Variants in NUFIP2 observed in about 807,000 individuals in gnomAD.
The protein encoded by NUFIP2 is FMR1-interacting protein NUFIP2.
Under a neutral mutation model 56.9 loss-of-function variants are expected in NUFIP2, and 6 were observed. The observed-to-expected ratio is 0.11, with a 90% confidence interval of 0.06 to 0.21. The LOEUF (loss-of-function observed/expected upper bound fraction) is 0.21. Ranked by LOEUF, NUFIP2 falls within the 10% of genes least tolerant of loss-of-function variation. The probability of loss-of-function intolerance (pLI) is 1.00; values close to 1 mark genes in which losing one functional copy is unlikely to be tolerated. For missense variants in NUFIP2, 828 were observed against 826.8 expected (o/e 1.00, Z -0.02); for synonymous variants, 321 against 298.2 (o/e 1.08, Z -0.79).
intron 2 of NUFIP2, among the ~76,000 whole-genome samples, chr17:29,272,048 G>A (rs1412057905): frequency 1.6e-5 from 2 of 122,596 alleles, no homozygotes; most frequent in African/African-American, 6.2e-5. Context: ...ACTCCAGCTT[G>A]GGCAACAGAG....
intron 2 of NUFIP2, among the ~76,000 whole-genome samples, chr17:29,281,452 A>C (rs1041477133): frequency 1.3e-5 from 2 of 152,036 alleles, no homozygotes; most frequent in Non-Finnish European, 2.9e-5. Flanking sequence ...TGACCACACC[A>C]CTGTACTCCA....
chr17:29,293,736 G>A (rs2069233103), intron 1 of NUFIP2, 47 bp downstream of exon 1: 1 of 1,227,264 alleles, frequency 8.1e-7, no homozygotes, highest in African/African-American at 1.5e-5. Flanking sequence ...CATCTCTCCT[G>A]TCCTCCACCC....
Position 29,258,285 on chromosome 17 carries a change from T to A in NUFIP2, c.*6254A>T, listed in dbSNP as rs2068981882. ...GTTCAATCACCTTCAAGTTTGGGTA[T>A]GTGCTTGAGAAATGACTTTTCTTCT... On this transcript the variant is annotated 3_prime_UTR_variant, in exon 4 of 4. Transcript: ENST00000225388. 6.6e-6 allele frequency: 1 copy of A among 152,236 alleles called. No homozygotes were observed. The highest frequency in any genetic ancestry group is 2.1e-4 in the South Asian group (1 of 4,834). The allele number at this position is 152,236 out of a possible 1,614,324, so 9.4% of individuals were successfully genotyped here.
rs1317914768 is a variant in NUFIP2, at chr17:29,293,980, T to A, written c.80A>T (p.Gln27Leu). 1.2e-6 allele frequency: 2 copies of A among 1,612,404 alleles called. No homozygotes were observed. Among genetic ancestry groups the A allele is most frequent in the South Asian group, 2.2e-5 (2 of 91,026 alleles). The change falls in exon 1 of 4, where the codon CAG becomes CTG. Residue 27 changes from glutamine (Q) to leucine (L), a missense_variant. This residue lies in a region of NUFIP2 where 415 missense variants were observed against 408.7 expected (regional missense o/e 1.02). Transcript: ENST00000225388. ...ATGGTGGTGGTGGTGCGGCTGCTGC[T>A]GCTGCTGCTGAGGGTGATGGTGCGG... ...HHPHHHPQQQ[Q>L]QQPHHHHHYY...
chr17:29,292,971 G>A (rs1414128341), intron 1 of NUFIP2, among the ~76,000 whole-genome samples: 3 of 147,192 alleles, frequency 2.0e-5, no homozygotes, highest in Non-Finnish European at 4.5e-5. Context: ...CGGGTCACCC[G>A]GCTCCGCCGC....
Position 29,263,817 on chromosome 17 carries a change from G to A in NUFIP2, c.*722C>T, listed in dbSNP as rs1484324105. ...ATGTAACCGAAGCCAAGTTAACTAT[G>A]TACCATCAACTAACTATTCCAGAAT... On this transcript the variant is annotated 3_prime_UTR_variant, in exon 4 of 4. Coordinates refer to ENST00000225388, the MANE Select transcript of NUFIP2 (RefSeq NM_020772.3). 4 of 152,532 alleles carry A rather than the reference G, an allele frequency of 2.6e-5. No homozygotes were observed. The East Asian group carries it at 7.7e-4, about 29-fold the overall frequency. 9.4% of individuals were successfully genotyped at this position (152,532 alleles called of 1,614,324 possible).
Position 29,286,406 on chromosome 17 carries a change from T to G in NUFIP2, c.1588A>C (p.Lys530Gln). ...CCTTGAAATGTCACCTCCATCACTT[T>G]ATGCTCTGATGACTTCCCAGTAACA... ...ETVTGKSSEH[K>Q]VMEVTFQGEY... The change falls in exon 2 of 4, where the codon AAA becomes CAA. Residue 530 changes from lysine to glutamine, a missense_variant. Around this residue, in one of 3 missense-constraint regions of NUFIP2, gnomAD observed 404 missense variants for 380.3 expected, o/e 1.06. Coordinates refer to ENST00000225388, the MANE Select transcript of NUFIP2 (RefSeq NM_020772.3). 5 of 1,614,190 alleles carry G rather than the reference T, an allele frequency of 3.1e-6. No homozygotes were observed. Among genetic ancestry groups the G allele is most frequent in the Non-Finnish European group, 4.2e-6 (5 of 1,180,036 alleles).
chr17:29,264,818 T>G (rs1402986446), intron 3 of NUFIP2, among the ~76,000 whole-genome samples: 1 of 152,174 alleles, frequency 6.6e-6, no homozygotes, highest in Non-Finnish European at 1.5e-5. Context: ...CTCTAGCCAG[T>G]GAGGGCCTCA....
At chr17:29,283,653 C>T (rs1261990351) in intron 2 of NUFIP2, among the ~76,000 whole-genome samples, 2 of 152,150 alleles carry the variant, frequency 1.3e-5, no homozygotes, top group Non-Finnish European at 2.9e-5. Flanking sequence ...ACACAATGAT[C>T]GCCAGTGCAA....
Position 29,259,596 on chromosome 17 carries a change from G to C in NUFIP2, c.*4943C>G, listed in dbSNP as rs1275054663. On this transcript the variant is annotated 3_prime_UTR_variant, in exon 4 of 4. Coordinates refer to ENST00000225388, the MANE Select transcript of NUFIP2 (RefSeq NM_020772.3). ...GTCTCAAAAAAAAAAAGGTGGGGGG[G>C]GGGGGGATACTGCAGTATTATAAAA... is the stretch of plus-strand genomic sequence containing the variant. 2.0e-5 allele frequency: 3 copies of C among 146,926 alleles called. No homozygotes were observed. The highest frequency in any genetic ancestry group is 7.5e-5 in the African/African-American group (3 of 40,224). The allele number at this position is 146,926 out of a possible 1,614,324, so 9.1% of individuals were successfully genotyped here.
At chr17:29,283,906 C>T (rs2069154958) in intron 2 of NUFIP2, among the ~76,000 whole-genome samples, 1 of 152,172 alleles carries the variant, frequency 6.6e-6, no homozygotes, top group South Asian at 2.1e-4. Context: ...GATTCCTAAA[C>T]TTCCATTAAG....
At chr17:29,285,419 C>G (rs897884078) in intron 2 of NUFIP2, among the ~76,000 whole-genome samples, 1 of 151,830 alleles carries the variant, frequency 6.6e-6, no homozygotes, top group African/African-American at 2.4e-5. Flanking sequence ...GGTGAAACCC[C>G]GTCTCTACTA....
At position 29,263,758 on chromosome 17, in the gene NUFIP2, A is replaced by G. The variant is rs1381064826; in HGVS notation, c.*781T>C. 1 of 152,638 alleles carries G rather than the reference A, an allele frequency of 6.6e-6. No individual in the cohort carries two copies. The highest frequency in any genetic ancestry group is 1.5e-5 in the Non-Finnish European group (1 of 68,046). The allele number at this position is 152,638 out of a possible 1,614,324, so 9.5% of individuals were successfully genotyped here. A position where few individuals can be genotyped will look rare whatever the true frequency, so the allele number is the denominator to read the frequency against. On this transcript the variant is annotated 3_prime_UTR_variant, in exon 4 of 4. Transcript: ENST00000225388. ...TTGTTCTGCAACTTTTCTTTAAATG[A>G]CACGCATAGATTCTTCAGTTGTTAA...
chr17:29,277,369 G>T (rs1416788825), intron 2 of NUFIP2, among the ~76,000 whole-genome samples: 2 of 152,098 alleles, frequency 1.3e-5, no homozygotes, highest in East Asian at 1.9e-4. Flanking sequence ...GGCTCCACCA[G>T]AGATAGATAA....
intron 3 of NUFIP2, among the ~76,000 whole-genome samples, chr17:29,265,355 T>G (rs1176476705): frequency 2.1e-5 from 3 of 145,634 alleles, no homozygotes; most frequent in Admixed American, 2.1e-4. Flanking sequence ...CAGGCTGGAG[T>G]GCAGTGGCGC....
At chr17:29,272,489 C>CCTGG (rs925503314) in intron 2 of NUFIP2, among the ~76,000 whole-genome samples, 1 of 152,130 alleles carries the variant, frequency 6.6e-6, no homozygotes, top group Non-Finnish European at 1.5e-5. Flanking sequence ...ATCTGCCCGC[C>CCTGG]CTGGCCTCCC....
At position 29,293,797 on chromosome 17, in the gene NUFIP2, G is replaced by A. The variant is rs143010073; in HGVS notation, c.263C>T (p.Pro88Leu). The change falls in exon 1 of 4, where the codon CCG (proline) becomes CTG (leucine). Residue 88 changes from proline to leucine, a missense_variant. By Grantham distance (98) the Pro-to-Leu change is moderately conservative. Around this residue, in one of 3 missense-constraint regions of NUFIP2, gnomAD observed 415 missense variants for 408.7 expected, o/e 1.02. Coordinates refer to ENST00000225388, the MANE Select transcript of NUFIP2 (RefSeq NM_020772.3). ...CCCTCCCAGACCTGTTTTCTTCTTC[G>A]GCGTTTCCTGGTGCTGCTGGAGGGT... is the stretch of plus-strand genomic sequence containing the variant. ...KHTLQQHQET[P>L]KKKTGYGELN... The A allele has an allele frequency of 6.4e-7, 1 of 1,557,584 alleles. No individual in the cohort carries two copies. Among genetic ancestry groups the A allele is most frequent in the South Asian group, 1.2e-5 (1 of 85,644 alleles).
At chr17:29,291,025 GT>G (rs2069208904) in intron 1 of NUFIP2, among the ~76,000 whole-genome samples, 2 of 124,964 alleles carry the variant, frequency 1.6e-5, no homozygotes, top group African/African-American at 6.3e-5. Flanking sequence ...CCGCCCGCAA[GT>G]TTTAATAACA....
In NUFIP2 at chr17:29,255,890, G is replaced by A. The variant is rs2068968532; in HGVS notation, c.*8649C>T. 1 of 152,104 alleles carries A rather than the reference G, an allele frequency of 6.6e-6. No homozygotes were observed. The highest frequency in any genetic ancestry group is 2.4e-5 in the African/African-American group (1 of 41,414). The allele number at this position is 152,104 out of a possible 1,614,324, so 9.4% of individuals were successfully genotyped here. ...ATGTACACTTATTGTCTCTCAATTT[G>A]ATCTACAAATTTCTCAAGTTTTTTT... On this transcript the variant is annotated 3_prime_UTR_variant, in exon 4 of 4. Coordinates refer to ENST00000225388, the MANE Select transcript of NUFIP2 (RefSeq NM_020772.3).
Sources: allele counts gnomAD v4.1 joint callset (sites outside exome capture counted in the v4.1 genomes callset), GRCh38; gene constraint gnomAD v4.1.1; regional missense constraint gnomAD v4.1.1; transcripts MANE v1.5; gene names NCBI Gene and HGNC (gene_info 2026-07-23, HGNC 2026-07-21).